Variants in ATRX observed in about 807,000 individuals in gnomAD.
ATRX encodes ATRX chromatin remodeler.
ATRX carries 12 observed loss-of-function variants against 172.6 expected under a neutral mutation model. The ratio of observed to expected loss-of-function variants is 0.07; its 90% CI spans 0.04 to 0.11. The LOEUF (loss-of-function observed/expected upper bound fraction) is 0.11, where lower values mean the gene tolerates loss of function less well. ATRX is among the 10% of genes least tolerant of loss of function. The probability of loss-of-function intolerance (pLI) is 1.00; values close to 1 mark genes in which losing one functional copy is unlikely to be tolerated. For missense variants in ATRX, 1,368 were observed against 1,767.4 expected, an observed-to-expected ratio of 0.77 and a Z score of 4.05; for synonymous variants, 674 against 594.7, an observed-to-expected ratio of 1.13 and a Z score of -1.94.
In ATRX at chrX:77,720,400, T is replaced by C. The variant is rs1003458137; in HGVS notation, c.21-3157A>G. ...ATCAGTGAATTCAGGAGGTGTTTTTTTGAGAAGATCAACAAAACAGACCAC... is the reference window on the plus strand; with the variant it reads ...ATCAGTGAATTCAGGAGGTGTTTTTCTGAGAAGATCAACAAAACAGACCAC... On this transcript the variant is annotated intron_variant, in intron 1 of 34. Transcript: ENST00000373344. Among the ~76,000 whole-genome samples the C allele has an allele frequency of 2.3e-4, 26 of 111,333 alleles. 1 individual carries two copies. The highest frequency in any genetic ancestry group is 8.5e-4 in the African/African-American group (26 of 30,642).
rs925684956 is a variant in ATRX at position 77,649,925 on chromosome X, A to C, written c.4557+2189T>G. On this transcript the variant is annotated intron_variant, in intron 15 of 34. Transcript: ENST00000373344. ...AAAAATCAGGAATTACTTGGGGATA[A>C]ATTTTTTAAAATATGTACTAGACCT... Among the ~76,000 whole-genome samples, 9 of 112,012 alleles carry C rather than the reference A, an allele frequency of 8.0e-5. No individual in the cohort carries two copies. In the Admixed American group the frequency reaches 8.6e-4, roughly 11 times the overall value.
intron 15 of ATRX, among the ~76,000 whole-genome samples, chrX:77,651,217 CAAAAAAAAAAA>C (rs1170232589): frequency 9.1e-4 from 15 of 16,480 alleles, no homozygotes; most frequent in East Asian, 4.6e-3. Context: ...AACTCCATCT[CAAAAAAAAAAA>C]AAAAAAAAAA....
rs1324354129 is a variant in ATRX at position 77,534,640 on chromosome X, T to G, written c.6700-11239A>C. ...CTTTACTTTTCTTTGTCTAAACTTTTTTTTCCTTAAATAAGTGAAAAAGCT... is the reference window on the plus strand; with the variant it reads ...CTTTACTTTTCTTTGTCTAAACTTTGTTTTCCTTAAATAAGTGAAAAAGCT... On this transcript the variant is annotated intron_variant, in intron 30 of 34. Transcript: ENST00000373344. Among the ~76,000 whole-genome samples, 4 of 111,755 alleles carry G rather than the reference T, an allele frequency of 3.6e-5. No homozygotes were observed. The Admixed American group carries it at 3.8e-4, about 11-fold the overall frequency.
At chrX:77,615,195 C>T (rs1010095438) in intron 22 of ATRX, among the ~76,000 whole-genome samples, 1 of 110,728 alleles carries the variant, frequency 9.0e-6, no homozygotes, top group Non-Finnish European at 1.9e-5. Flanking sequence ...GATAAGGTTT[C>T]ACTATGCTGC....
Position 77,513,589 on chromosome X carries a change from A to T in ATRX, c.7201-4960T>A, listed in dbSNP as rs782488919. On this transcript the variant is annotated intron_variant, in intron 34 of 34. Coordinates refer to ENST00000373344, the MANE Select transcript of ATRX (RefSeq NM_000489.6). The stretch of plus-strand genomic sequence containing the variant: ...GAATGAGTGAGTTGAAGTGGCAAGA[A>T]GCAACTGGCTCTTGCCTCGGGCCTC... 7.2e-5 allele frequency among the ~76,000 whole-genome samples: 8 copies of T among 111,061 alleles called. No homozygotes were observed. The South Asian group carries it at 3.1e-3, about 43-fold the overall frequency.
chrX:77,762,028 C>T (rs1005608407), intron 1 of ATRX, among the ~76,000 whole-genome samples: 1 of 111,055 alleles, frequency 9.0e-6, no homozygotes, highest in Admixed American at 9.7e-5. Context: ...CTTGGCCAGG[C>T]GCGGTGGCTC....
chrX:77,526,778 CTT>C (rs1284884158), intron 30 of ATRX, among the ~76,000 whole-genome samples: 12 of 112,163 alleles, frequency 1.1e-4, no homozygotes, highest in African/African-American at 3.9e-4. Context: ...TCAGGAGACA[CTT>C]ATTTTGAGAA....
At position 77,655,893 on chromosome X, in the gene ATRX, T is replaced by A. The variant is rs188530641; in HGVS notation, c.4214+667A>T. Among the ~76,000 whole-genome samples the A allele has an allele frequency of 2.4e-3, 268 of 111,258 alleles. 2 individuals carry two copies. Among genetic ancestry groups the A allele is most frequent in the Non-Finnish European group, 2.8e-3 (149 of 52,899 alleles). On this transcript the variant is annotated intron_variant, in intron 13 of 34. Coordinates refer to ENST00000373344, the MANE Select transcript of ATRX (RefSeq NM_000489.6). ...CACAAACACACACAGATTGTTCATTTGATAAACTGTAGAAAGATTATGTTA... is the reference window on the plus strand; with the variant it reads ...CACAAACACACACAGATTGTTCATTAGATAAACTGTAGAAAGATTATGTTA...
At chrX:77,562,396 T>C (rs782363272) in intron 28 of ATRX, among the ~76,000 whole-genome samples, 1 of 112,195 alleles carries the variant, frequency 8.9e-6, no homozygotes, top group African/African-American at 3.2e-5. Context: ...CCAAATTGTT[T>C]CCCAGAATGG....
At chrX:77,773,120 CTG>C (rs1302089642) in intron 1 of ATRX, among the ~76,000 whole-genome samples, 1 of 54,798 alleles carries the variant, frequency 1.8e-5, no homozygotes, top group Non-Finnish European at 3.5e-5. Context: ...AAAAAAAGAA[CTG>C]AGATATTCAA....
chrX:77,654,306 C>T (rs1557118870), intron 13 of ATRX, 106 bp from the exon 14 acceptor site: 2 of 614,318 alleles, frequency 3.3e-6, no homozygotes, highest in Admixed American at 2.9e-5. Flanking sequence ...TTCCTAAAAA[C>T]AAACAGAAAA....
In ATRX at chrX:77,684,343, T is replaced by C. The variant is rs782778928; in HGVS notation, c.913A>G (p.Ser305Gly). The change falls in exon 9 of 35, where the codon AGT (serine) becomes GGT (glycine). Residue 305 changes from serine to glycine, a missense_variant. By Grantham distance (56) the Ser-to-Gly change is moderately conservative. Around this residue, in one of 17 missense-constraint regions of ATRX, gnomAD observed 843 missense variants for 643.1 expected, o/e 1.31. Coordinates refer to ENST00000373344, the MANE Select transcript of ATRX (RefSeq NM_000489.6). ...GATGTATGTTCATATACTTTATTAC[T>C]CTTTTCACTGTCAACTTTTATCTTC... ...KKKIKVDSEK[S>G]NKVYEHTSRF... 10 of 1,208,254 alleles carry C rather than the reference T, an allele frequency of 8.3e-6. No homozygotes were observed. Among genetic ancestry groups the C allele is most frequent in the African/African-American group, 5.2e-5 (3 of 57,405 alleles).
intron 27 of ATRX, among the ~76,000 whole-genome samples, chrX:77,581,898 G>A (rs1226318307): frequency 9.0e-6 from 1 of 111,568 alleles, no homozygotes; most frequent in Non-Finnish European, 1.9e-5. Context: ...CAAATACATA[G>A]AATTTAAACA....
At chrX:77,749,432 T>C (rs1348156154) in intron 1 of ATRX, among the ~76,000 whole-genome samples, 1 of 111,593 alleles carries the variant, frequency 9.0e-6, no homozygotes, top group Non-Finnish European at 1.9e-5. Flanking sequence ...TGTAGGTATC[T>C]TTTTGACATA....
chrX:77,593,403 T>G (rs2066352456), intron 26 of ATRX, among the ~76,000 whole-genome samples: 1 of 110,949 alleles, frequency 9.0e-6, no homozygotes, highest in Non-Finnish European at 1.9e-5. Flanking sequence ...CGAAAAATGA[T>G]TTTGAAGATG....
At position 77,599,914 on chromosome X, in the gene ATRX, C is replaced by T. The variant is rs181340143; in HGVS notation, c.5698-94G>A. 325 of 723,615 alleles carry T rather than the reference C, an allele frequency of 4.5e-4. 3 individuals carry two copies. The African/African-American group carries it at 6.6e-3, about 15-fold the overall frequency. 59.6% of individuals were successfully genotyped at this position (723,615 alleles called of 1,213,427 possible). A position where few individuals can be genotyped will look rare whatever the true frequency, so the allele number is the denominator to read the frequency against. ...TCATTTAAGAATAAGTTAATTGGCA[C>T]GAGCTGAGGAAGGACTGAGGAACTA... On this transcript the variant is annotated intron_variant, in intron 23 of 34. Transcript: ENST00000373344.
chrX:77,604,680 TA>T (rs199868431), intron 22 of ATRX, among the ~76,000 whole-genome samples: 4 of 109,736 alleles, frequency 3.6e-5, no homozygotes, highest in Non-Finnish European at 5.7e-5. Context: ...ATCAAAAACA[TA>T]AAAAAAAAGA....
intron 15 of ATRX, among the ~76,000 whole-genome samples, chrX:77,647,725 C>T (rs1239549556): frequency 1.8e-5 from 2 of 111,528 alleles, no homozygotes; most frequent in African/African-American, 3.2e-5. Context: ...TGAACTTTAG[C>T]TAATGATACA....
At chrX:77,517,276 C>T (rs1195876857) in intron 34 of ATRX, among the ~76,000 whole-genome samples, 2 of 111,034 alleles carry the variant, frequency 1.8e-5, no homozygotes, top group African/African-American at 6.5e-5. Context: ...AACTGACAAA[C>T]CATTAGCCAG....
Sources: allele counts gnomAD v4.1 joint callset (sites outside exome capture counted in the v4.1 genomes callset), GRCh38; gene constraint gnomAD v4.1.1; regional missense constraint gnomAD v4.1.1; transcripts MANE v1.5; gene names NCBI Gene and HGNC (gene_info 2026-07-23, HGNC 2026-07-21).